Variants in SAMMSON observed in about 807,000 individuals in gnomAD.
SAMMSON encodes long intergenic non-protein coding RNA 1212.
chr3:70,174,845 C>T (rs1228930586), intron 4 of SAMMSON, among the ~76,000 whole-genome samples: 1 of 151,782 alleles, frequency 6.6e-6, no homozygotes, highest in Admixed American at 6.6e-5. Context: ...CCTAGGTGGA[C>T]AATCTAATTT....
At chr3:70,227,446 A>G (rs781431236) in intron 4 of SAMMSON, among the ~76,000 whole-genome samples, 3 of 152,224 alleles carry the variant, frequency 2.0e-5, no homozygotes, top group Non-Finnish European at 4.4e-5. Flanking sequence ...TTTGGCAGGA[A>G]AAACAGACCA....
rs941262653 is a variant in SAMMSON, at chr3:70,166,524, C to T, written n.508-82583C>T. Among the ~76,000 whole-genome samples, 5 of 152,034 alleles carry T rather than the reference C, an allele frequency of 3.3e-5. 1 individual carries two copies. The highest frequency in any genetic ancestry group is 1.9e-4 in the East Asian group (1 of 5,156). Reference sequence around the variant, plus strand: ...TAGTTTATAAACCATTTACAGCACCCGTATCCTCCATGGCATTCTTTAATA... The same window carrying T: ...TAGTTTATAAACCATTTACAGCACCTGTATCCTCCATGGCATTCTTTAATA... On this transcript the variant is annotated intron_variant and non_coding_transcript_variant, in intron 4 of 9. Transcript: ENST00000642114.
intron 3 of SAMMSON, among the ~76,000 whole-genome samples, chr3:70,037,418 C>G (rs2067089906): frequency 6.6e-6 from 1 of 152,006 alleles, no homozygotes; most frequent in Non-Finnish European, 1.5e-5. Flanking sequence ...TGGTTCATAA[C>G]TCAATCTCCT....
intron 9 of SAMMSON, among the ~76,000 whole-genome samples, chr3:70,364,715 T>C (rs1297664040): frequency 6.6e-6 from 1 of 151,892 alleles, no homozygotes; most frequent in Non-Finnish European, 1.5e-5. Context: ...CCTATTGTTG[T>C]AATCTTCTTT....
chr3:70,161,272 A>G (rs1371522988), intron 4 of SAMMSON, among the ~76,000 whole-genome samples: 1 of 151,952 alleles, frequency 6.6e-6, no homozygotes, highest in African/African-American at 2.4e-5. Flanking sequence ...GACTTCCTTC[A>G]GTCTTTTATG....
At chr3:70,050,895 G>A (rs1158758663) in intron 3 of SAMMSON, among the ~76,000 whole-genome samples, 1 of 151,868 alleles carries the variant, frequency 6.6e-6, no homozygotes, top group Non-Finnish European at 1.5e-5. Context: ...CAACACTTTG[G>A]GAGGCTGAGG....
intron 1 of SAMMSON, among the ~76,000 whole-genome samples, chr3:70,011,260 C>T (rs571729269): frequency 6.6e-6 from 1 of 151,856 alleles, no homozygotes; most frequent in Non-Finnish European, 1.5e-5. Context: ...AATGAAAAAA[C>T]AAAAACAAAA....
chr3:70,235,763 CAAA>C (rs1261608259), intron 4 of SAMMSON, among the ~76,000 whole-genome samples: 1 of 152,178 alleles, frequency 6.6e-6, no homozygotes, highest in Non-Finnish European at 1.5e-5. Context: ...TGACTTAGGA[CAAA>C]TTATCCCTTG....
At chr3:70,147,312 G>A (rs7647931) in intron 4 of SAMMSON, among the ~76,000 whole-genome samples, 150,232 of 152,122 alleles carry the variant, frequency 0.99, 74,210 homozygotes, top group East Asian at 1. Context: ...AGAATAGAAT[G>A]TCTGGTTCTA....
At chr3:70,122,266 C>T (rs897802382) in intron 4 of SAMMSON, among the ~76,000 whole-genome samples, 7 of 152,172 alleles carry the variant, frequency 4.6e-5, no homozygotes, top group African/African-American at 1.4e-4. Context: ...GAGCCTGGCT[C>T]ACTGCAGCCT....
At chr3:70,178,528 C>G (rs1459699880) in intron 4 of SAMMSON, among the ~76,000 whole-genome samples, 1 of 152,244 alleles carries the variant, frequency 6.6e-6, no homozygotes, top group South Asian at 2.1e-4. Flanking sequence ...TAAGAAAATG[C>G]GTTAAACTGA....
chr3:70,407,029 G>A (rs548361087), intron 2 of SAMMSON, among the ~76,000 whole-genome samples: 2 of 152,324 alleles, frequency 1.3e-5, no homozygotes, highest in South Asian at 4.1e-4. Flanking sequence ...CTTACATGTT[G>A]TTGGCAAGAG....
intron 4 of SAMMSON, among the ~76,000 whole-genome samples, chr3:70,150,918 T>G (rs1315862496): frequency 2.6e-5 from 4 of 152,074 alleles, no homozygotes; most frequent in Admixed American, 6.6e-5. Context: ...ATGTTCAATT[T>G]TTTGAGTAGG....
intron 7 of SAMMSON, among the ~76,000 whole-genome samples, chr3:70,306,473 T>A (rs1462986442): frequency 6.6e-6 from 1 of 152,194 alleles, no homozygotes; most frequent in Non-Finnish European, 1.5e-5. Flanking sequence ...GAAAAGAAGC[T>A]ATACTTAATT....
chr3:70,238,572 A>C (rs1296048918), intron 4 of SAMMSON, among the ~76,000 whole-genome samples: 1 of 152,028 alleles, frequency 6.6e-6, no homozygotes, highest in Non-Finnish European at 1.5e-5. Context: ...TGATCACACC[A>C]CTGTACTCCA....
chr3:70,433,608 C>T (rs772004762), intron 2 of SAMMSON, among the ~76,000 whole-genome samples: 3 of 151,794 alleles, frequency 2.0e-5, no homozygotes, highest in African/African-American at 7.3e-5. Context: ...TGTGCTTTGT[C>T]CTTTCATTCT....
chr3:70,252,788 T>C (rs543320280), intron 6 of SAMMSON, among the ~76,000 whole-genome samples: 1 of 151,786 alleles, frequency 6.6e-6, no homozygotes, highest in African/African-American at 2.4e-5. Flanking sequence ...AAAAAGAAAA[T>C]CAAAAAGAAG....
intron 4 of SAMMSON, among the ~76,000 whole-genome samples, chr3:70,171,113 T>C (rs1700940517): frequency 6.6e-6 from 1 of 151,954 alleles, no homozygotes; most frequent in African/African-American, 2.4e-5. Context: ...TCTGCTTTCC[T>C]GCTGTCCAGA....
At chr3:70,392,322 G>A (rs1330326777), downstream of SAMMSON, among the ~76,000 whole-genome samples, 5 of 152,202 alleles carry the variant, frequency 3.3e-5, no homozygotes, top group East Asian at 9.7e-4. Flanking sequence ...CAATGAATTT[G>A]AGGCTCACAG....
Sources: allele counts gnomAD v4.1 joint callset (sites outside exome capture counted in the v4.1 genomes callset), GRCh38; gene constraint gnomAD v4.1.1; transcripts MANE v1.5; gene names NCBI Gene and HGNC (gene_info 2026-07-23, HGNC 2026-07-21).